Variants in CHCHD3 observed in about 807,000 individuals in gnomAD.
CHCHD3 encodes coiled-coil-helix-coiled-coil-helix domain containing 3, also known as MICOS complex subunit MIC19.
CHCHD3 carries 20 observed loss-of-function variants against 38.2 expected under a neutral mutation model. The observed-to-expected ratio is 0.52, with a 90% CI of 0.37 to 0.76. The LOEUF is 0.76. Ranked by LOEUF, CHCHD3 falls within the 30% of genes least tolerant of loss-of-function variation. The pLI, the probability that CHCHD3 is intolerant of heterozygous loss-of-function variation, is 0.00. For missense variants in CHCHD3, 245 were observed against 279.2 expected, an observed-to-expected ratio of 0.88 and a Z score of 0.87; for synonymous variants, 82 against 100.0, an observed-to-expected ratio of 0.82 and a Z score of 1.07.
intron 7 of CHCHD3, 132 bp from the exon 8 acceptor site, chr7:132,785,792 C>T (rs1585511521): frequency 2.2e-6 from 2 of 913,838 alleles, no homozygotes; most frequent in Non-Finnish European, 3.5e-6. Flanking sequence ...AAGGCATATG[C>T]TTCCTGTTCT....
At chr7:133,029,659 C>T (rs532592593) in intron 2 of CHCHD3, among the ~76,000 whole-genome samples, 16 of 152,004 alleles carry the variant, frequency 1.1e-4, no homozygotes, top group East Asian at 1.9e-4. Flanking sequence ...TGGATAGGCA[C>T]GAAGCCATCC....
chr7:132,817,367 A>G (rs911269879), intron 6 of CHCHD3, among the ~76,000 whole-genome samples: 3 of 152,210 alleles, frequency 2.0e-5, no homozygotes, highest in Non-Finnish European at 4.4e-5. Context: ...AAAGGGAAGG[A>G]AAGTTTTTAT....
chr7:132,786,188 A>G (rs1047245201), intron 7 of CHCHD3, among the ~76,000 whole-genome samples: 2 of 152,190 alleles, frequency 1.3e-5, no homozygotes, highest in Non-Finnish European at 2.9e-5. Context: ...TAGAAAGCAA[A>G]AGTGCTCCTG....
chr7:133,005,621 T>C (rs1436464144), intron 3 of CHCHD3, among the ~76,000 whole-genome samples: 5 of 152,234 alleles, frequency 3.3e-5, no homozygotes, highest in African/African-American at 1.2e-4. Context: ...TTATTTGATT[T>C]TCCTTTTTTT....
intron 3 of CHCHD3, among the ~76,000 whole-genome samples, chr7:132,982,464 T>C (rs1260179410): frequency 6.6e-6 from 1 of 152,160 alleles, no homozygotes; most frequent in Non-Finnish European, 1.5e-5. Flanking sequence ...TTTGTATTTT[T>C]AGTAAAGACA....
intron 4 of CHCHD3, among the ~76,000 whole-genome samples, chr7:132,918,534 A>G (rs1320964775): frequency 1.3e-5 from 2 of 152,194 alleles, no homozygotes; most frequent in African/African-American, 4.8e-5. Flanking sequence ...TTATTTCCCA[A>G]TTGTCTCACA....
rs1458790391 is a variant in CHCHD3, at chr7:132,977,099, T to C, written c.252-1813A>G. Among the ~76,000 whole-genome samples, 10 of 152,152 alleles carry C rather than the reference T, an allele frequency of 6.6e-5. 1 individual carries two copies. The highest frequency in any genetic ancestry group is 6.5e-4 in the Admixed American group (10 of 15,272). ...GGACCATACAATAAATTCAGCAACA[T>C]CAATGATATCAACACATTAACACCA... On this transcript the variant is annotated intron_variant, in intron 3 of 7. Coordinates refer to ENST00000262570, the MANE Select transcript of CHCHD3 (RefSeq NM_017812.4).
At chr7:132,899,973 C>T (rs1019975546) in intron 4 of CHCHD3, among the ~76,000 whole-genome samples, 2 of 152,218 alleles carry the variant, frequency 1.3e-5, no homozygotes, top group African/African-American at 4.8e-5. Flanking sequence ...TAGGGGCACA[C>T]ATTAAACAAC....
intron 2 of CHCHD3, among the ~76,000 whole-genome samples, chr7:133,053,518 C>T (rs1263479566): frequency 6.6e-6 from 1 of 152,186 alleles, no homozygotes; most frequent in East Asian, 1.9e-4. Context: ...AAATATAATA[C>T]TTTTGCTATG....
intron 2 of CHCHD3, among the ~76,000 whole-genome samples, chr7:133,066,949 G>C (rs1814687188): frequency 6.6e-6 from 1 of 152,204 alleles, no homozygotes; most frequent in Non-Finnish European, 1.5e-5. Context: ...AAAGCAAGAT[G>C]TCATTCAAAT....
intron 5 of CHCHD3, chr7:132,849,202 C>T (rs531609293): frequency 2.0e-5 from 3 of 152,302 alleles, no homozygotes; most frequent in South Asian, 2.1e-4. Flanking sequence ...TTGCCAGCAA[C>T]CCTTGGCTCC....
chr7:132,871,613 C>A (rs1187139455), intron 5 of CHCHD3, among the ~76,000 whole-genome samples: 1 of 152,146 alleles, frequency 6.6e-6, no homozygotes, highest in Non-Finnish European at 1.5e-5. Context: ...CTTCTATTTC[C>A]GCTGCCCACG....
At chr7:132,966,979 T>A (rs564617167) in intron 4 of CHCHD3, among the ~76,000 whole-genome samples, 1 of 152,296 alleles carries the variant, frequency 6.6e-6, no homozygotes, top group East Asian at 1.9e-4. Context: ...CATAAAGTGA[T>A]GGAATTATAA....
chr7:132,898,688 A>T (rs1809577575), intron 4 of CHCHD3, among the ~76,000 whole-genome samples: 1 of 152,246 alleles, frequency 6.6e-6, no homozygotes, highest in Non-Finnish European at 1.5e-5. Flanking sequence ...CGGGCCGCAC[A>T]GGAGCCCACG....
At chr7:132,839,117 G>A (rs146767739) in intron 5 of CHCHD3, among the ~76,000 whole-genome samples, 4,550 of 152,064 alleles carry the variant, frequency 0.03, 432 homozygotes, top group East Asian at 0.21. Flanking sequence ...GCTTGAACCC[G>A]GGAGGTGGAG....
At chr7:133,053,149 A>G (rs1814216366) in intron 2 of CHCHD3, among the ~76,000 whole-genome samples, 2 of 152,204 alleles carry the variant, frequency 1.3e-5, no homozygotes, top group Admixed American at 6.5e-5. Flanking sequence ...TTGCTTATTT[A>G]TAGCTATGTT....
At chr7:132,961,395 A>G (rs1437425964) in intron 4 of CHCHD3, among the ~76,000 whole-genome samples, 1 of 152,230 alleles carries the variant, frequency 6.6e-6, no homozygotes, top group African/African-American at 2.4e-5. Context: ...ATCCACTATG[A>G]TACAAAAATT....
At chr7:132,870,255 T>C (rs1808732741) in intron 5 of CHCHD3, among the ~76,000 whole-genome samples, 1 of 146,976 alleles carries the variant, frequency 6.8e-6, no homozygotes, top group Non-Finnish European at 1.5e-5. Context: ...GAGGCTGAAG[T>C]GGGAGGATTG....
intron 6 of CHCHD3, among the ~76,000 whole-genome samples, chr7:132,827,912 G>T (rs780521797): frequency 2.0e-5 from 3 of 152,112 alleles, no homozygotes; most frequent in African/African-American, 4.8e-5. Flanking sequence ...AGAAAACTGC[G>T]CTTTTTATCC....
Sources: allele counts gnomAD v4.1 joint callset (sites outside exome capture counted in the v4.1 genomes callset), GRCh38; gene constraint gnomAD v4.1.1; transcripts MANE v1.5; gene names NCBI Gene and HGNC (gene_info 2026-07-23, HGNC 2026-07-21).